DYSF: variants seen among roughly 807,000 people sequenced by gnomAD.
DYSF encodes the protein dystrophy-associated fer-1-like 1.
A neutral mutation model predicts 274.9 loss-of-function variants in DYSF; 212 were observed. The ratio of observed to expected loss-of-function variants is 0.77; its 90% CI spans 0.69 to 0.86. The LOEUF (loss-of-function observed/expected upper bound fraction) is 0.86, where lower values mean the gene tolerates loss of function less well. DYSF is among the 40% of genes least tolerant of loss of function. The probability of loss-of-function intolerance (pLI) is 0.00; values close to 1 mark genes in which losing one functional copy is unlikely to be tolerated. For synonymous variants in DYSF, 1,091 were observed against 1,078.7 expected, an observed-to-expected ratio of 1.01 and a Z score of -0.22; for missense variants, 2,666 against 2,783.2, an observed-to-expected ratio of 0.96 and a Z score of 0.95.
upstream of DYSF, among the ~76,000 whole-genome samples, chr2:71,466,289 A>G (rs1306846748): frequency 6.6e-6 from 1 of 152,120 alleles, no homozygotes; most frequent in East Asian, 1.9e-4. Flanking sequence ...CCCCGAAGAC[A>G]CACTCTCGTC....
At chr2:71,672,557 AC>A (rs1044875668) in intron 51 of DYSF, among the ~76,000 whole-genome samples, 1 of 152,130 alleles carries the variant, frequency 6.6e-6, no homozygotes, top group African/African-American at 2.4e-5. Context: ...CACGTCAGGC[AC>A]CCACCCTGCA....
intron 14 of DYSF, among the ~76,000 whole-genome samples, chr2:71,530,194 C>T (rs1369627321): frequency 1.3e-5 from 2 of 150,372 alleles, no homozygotes; most frequent in African/African-American, 4.8e-5. Flanking sequence ...AGGAAGGAAA[C>T]AGGAAGCTGC....
chr2:71,644,143 G>A, intron 42 of DYSF, 80 bp downstream of exon 42: 1 of 1,165,972 alleles, frequency 8.6e-7, no homozygotes, highest in Non-Finnish European at 1.3e-6. Flanking sequence ...GAGAGCTCAT[G>A]CAGTAGATGT....
At chr2:71,618,718 G>A (rs376944122) in intron 40 of DYSF, among the ~76,000 whole-genome samples, 3,238 of 151,180 alleles carry the variant, frequency 0.021, 70 homozygotes, top group African/African-American at 0.06. Context: ...GGTGTGTGTG[G>A]CAGAGGTGGG....
At chr2:71,645,825 G>A (rs2094559443) in intron 42 of DYSF, among the ~76,000 whole-genome samples, 1 of 152,112 alleles carries the variant, frequency 6.6e-6, no homozygotes, top group African/African-American at 2.4e-5. Context: ...GGGAGACTCT[G>A]TACCCCGCAA....
chr2:71,544,137 G>A (rs2090265564), intron 17 of DYSF, among the ~76,000 whole-genome samples: 1 of 152,154 alleles, frequency 6.6e-6, no homozygotes, highest in African/African-American at 2.4e-5. Flanking sequence ...TCTGTAATAT[G>A]CAGGTGAATG....
At chr2:71,603,723 G>T (rs889567732) in intron 36 of DYSF, among the ~76,000 whole-genome samples, 3 of 152,202 alleles carry the variant, frequency 2.0e-5, no homozygotes, top group Admixed American at 2.0e-4. Flanking sequence ...GCAAAAGACT[G>T]CCGATTTGGA....
intron 3 of DYSF, among the ~76,000 whole-genome samples, chr2:71,499,985 C>T (rs887593812): frequency 6.6e-6 from 1 of 152,160 alleles, no homozygotes; most frequent in Non-Finnish European, 1.5e-5. Flanking sequence ...TCCTGTCTGC[C>T]ACTTGCCAGG....
chr2:71,686,211 A>G (rs1047041219), intron 55 of DYSF, among the ~76,000 whole-genome samples: 13 of 152,034 alleles, frequency 8.6e-5, no homozygotes, highest in African/African-American at 2.9e-4. Flanking sequence ...TTCGGAGGGT[A>G]TGGGTTTGCC....
chr2:71,608,604 G>A (rs1467865071), intron 36 of DYSF, among the ~76,000 whole-genome samples: 1 of 152,108 alleles, frequency 6.6e-6, no homozygotes, highest in Non-Finnish European at 1.5e-5. Flanking sequence ...TTCCTCCAGG[G>A]CCTTCTCCAA....
At chr2:71,464,341 A>G (rs534304659), upstream of DYSF, among the ~76,000 whole-genome samples, 1 of 152,382 alleles carries the variant, frequency 6.6e-6, no homozygotes, top group African/African-American at 2.4e-5. Context: ...CTTGGAGCAG[A>G]CATTCTGATG....
intron 22 of DYSF, among the ~76,000 whole-genome samples, chr2:71,558,834 G>T (rs1190907281): frequency 1.3e-5 from 2 of 152,140 alleles, no homozygotes; most frequent in Non-Finnish European, 2.9e-5. Flanking sequence ...GGGAATTCCA[G>T]GCAGCAGGAG....
At chr2:71,606,057 G>A (rs1273621657) in intron 36 of DYSF, among the ~76,000 whole-genome samples, 1 of 152,048 alleles carries the variant, frequency 6.6e-6, no homozygotes, top group Non-Finnish European at 1.5e-5. Flanking sequence ...GATGCAGGAG[G>A]CTTGCCAACA....
At chr2:71,549,848 A>G (rs984324207) in intron 17 of DYSF, among the ~76,000 whole-genome samples, 19 of 152,180 alleles carry the variant, frequency 1.2e-4, no homozygotes, top group African/African-American at 4.6e-4. Context: ...CTGTTAGCCC[A>G]CCTACCTGGG....
intron 36 of DYSF, among the ~76,000 whole-genome samples, chr2:71,609,878 G>A (rs1315703019): frequency 2.6e-5 from 4 of 152,190 alleles, no homozygotes; most frequent in African/African-American, 4.8e-5. Context: ...TACCATCCTC[G>A]CAGAAGGAAC....
intron 4 of DYSF, among the ~76,000 whole-genome samples, chr2:71,510,355 C>T (rs1239752547): frequency 1.3e-5 from 2 of 152,284 alleles, no homozygotes; most frequent in East Asian, 1.9e-4. Flanking sequence ...TTCCCCTCCA[C>T]GGGTTGCAGG....
intron 12 of DYSF, 70 bp downstream of exon 12, chr2:71,520,974 C>A: frequency 2.4e-6 from 3 of 1,259,424 alleles, no homozygotes; most frequent in Non-Finnish European, 3.5e-6. Context: ...CACCAAACCA[C>A]AAACAAAAAC....
chr2:71,638,739 C>G (rs2094444430), intron 41 of DYSF, among the ~76,000 whole-genome samples: 1 of 152,280 alleles, frequency 6.6e-6, no homozygotes, highest in Admixed American at 6.5e-5. Flanking sequence ...TCAGTTGATT[C>G]ATATCTGAGT....
intron 4 of DYSF, among the ~76,000 whole-genome samples, chr2:71,505,469 G>A (rs1372412630): frequency 1.3e-5 from 2 of 152,240 alleles, no homozygotes; most frequent in Admixed American, 1.3e-4. Flanking sequence ...AGAGCCAGTG[G>A]GATCCTTAGG....
Sources: allele counts gnomAD v4.1 joint callset (sites outside exome capture counted in the v4.1 genomes callset), GRCh38; gene constraint gnomAD v4.1.1; transcripts MANE v1.5; gene names NCBI Gene and HGNC (gene_info 2026-07-23, HGNC 2026-07-21).